Variants in FGL1 observed in about 807,000 individuals in gnomAD.
FGL1 encodes fibrinogen like 1.
In FGL1, 59 loss-of-function variants were observed where a neutral mutation model predicts 43.7. That is an observed-to-expected ratio of 1.35 (90% confidence interval 1.10 to 1.68). The LOEUF (loss-of-function observed/expected upper bound fraction) is 1.68, where lower values mean the gene tolerates loss of function less well. FGL1 is among the 40% of genes most tolerant of loss of function. The pLI is 0.00. For missense variants in FGL1, 596 were observed against 373.0 expected (o/e 1.60, Z -4.92); for synonymous variants, 192 against 126.5 (o/e 1.52, Z -3.48).
At chr8:17,877,771 A>C (rs186668397) in intron 3 of FGL1, among the ~76,000 whole-genome samples, 6 of 152,200 alleles carry the variant, frequency 3.9e-5, no homozygotes, top group African/African-American at 1.4e-4. Context: ...TGTTACAAAC[A>C]ATCCAATTTT....
Position 17,881,012 on chromosome 8 carries a change from TA to T in FGL1, c.244+986del, listed in dbSNP as rs1452811411. Among the ~76,000 whole-genome samples the T allele has an allele frequency of 3.3e-5, 5 of 152,302 alleles. No individual in the cohort carries two copies. The South Asian group carries it at 8.3e-4, about 25-fold the overall frequency. The stretch of plus-strand genomic sequence containing the variant: ...TTTTCTGCTCCTTTATTTTTTACCT[TA>T]TTTGCCACCCTAATGCACATTAGGA... On this transcript the variant is annotated intron_variant, in intron 3 of 7. Transcript: ENST00000427924.
At chr8:17,865,837 G>A (rs1054127935) in intron 7 of FGL1, among the ~76,000 whole-genome samples, 5 of 152,106 alleles carry the variant, frequency 3.3e-5, no homozygotes, top group Admixed American at 2.0e-4. Context: ...AATCAAAAAA[G>A]CATATAATCT....
intron 3 of FGL1, among the ~76,000 whole-genome samples, chr8:17,877,186 TAGGTAGAA>T (rs1219555302): frequency 7.2e-5 from 11 of 152,092 alleles, no homozygotes; most frequent in African/African-American, 2.7e-4. Flanking sequence ...CCCTGGAGAA[TAGGTAGAA>T]GAAAGGCAAG....
chr8:17,889,629 T>C (rs1169622720), intron 1 of FGL1, among the ~76,000 whole-genome samples: 1 of 152,140 alleles, frequency 6.6e-6, no homozygotes, highest in African/African-American at 2.4e-5. Flanking sequence ...ACAGTGAAAA[T>C]AAGAAAACAA....
Position 17,864,640 on chromosome 8 carries a change from A to G in FGL1, c.891T>C (p.Ser297=). ...CATTTGGCCTAATTTTCATAACCAC[A>G]GATTTCAGAGAATACCACCACCCAT... The part of the protein sequence containing the change: ...TWHGWWYSLK[S]VVMKIRPNDF... Residue 297 remains serine (S), a synonymous_variant, in exon 8 of 8, where the codon TCT becomes TCC. Coordinates refer to ENST00000427924, the MANE Select transcript of FGL1 (RefSeq NM_004467.4). 6.2e-7 allele frequency: 1 copy of G among 1,612,774 alleles called. No individual in the cohort carries two copies. Among genetic ancestry groups the G allele is most frequent in the Non-Finnish European group, 8.5e-7 (1 of 1,179,724 alleles).
At chr8:17,880,814 G>C (rs915947930) in intron 3 of FGL1, among the ~76,000 whole-genome samples, 5 of 152,166 alleles carry the variant, frequency 3.3e-5, no homozygotes, top group East Asian at 3.8e-4. Flanking sequence ...CAAGTGAACA[G>C]TTTTCCATAG....
At chr8:17,887,060 G>C (rs79941820) in intron 1 of FGL1, among the ~76,000 whole-genome samples, 3,729 of 152,234 alleles carry the variant, frequency 0.024, 66 homozygotes, top group South Asian at 0.042. Context: ...AGATGCTCCA[G>C]GTGACATGAC....
In FGL1 at chr8:17,864,508, G is replaced by T; in HGVS notation, c.*84C>A. On this transcript the variant is annotated 3_prime_UTR_variant, in exon 8 of 8. Transcript: ENST00000427924. ...ACTACTCACAACAGTTATCATGATTGCGCATGGATATGTTCAGAATGAGTA... is the reference window on the plus strand; with the variant it reads ...ACTACTCACAACAGTTATCATGATTTCGCATGGATATGTTCAGAATGAGTA... The T allele has an allele frequency of 7.2e-7, 1 of 1,395,770 alleles. No homozygotes were observed. Among genetic ancestry groups the T allele is most frequent in the Non-Finnish European group, 9.7e-7 (1 of 1,032,820 alleles). The allele number at this position is 1,395,770 out of a possible 1,614,324, so 86.5% of individuals were successfully genotyped here.
intron 5 of FGL1, among the ~76,000 whole-genome samples, chr8:17,872,933 C>G (rs753559459): frequency 6.6e-6 from 1 of 151,938 alleles, no homozygotes; most frequent in Non-Finnish European, 1.5e-5. Flanking sequence ...AATGGGCAAA[C>G]GGATAGATAC....
At chr8:17,885,453 G>A (rs1585147175) in intron 2 of FGL1, 39 bp downstream of exon 2, 3 of 1,471,078 alleles carry the variant, frequency 2.0e-6, no homozygotes, top group East Asian at 2.3e-5. Context: ...ATAAAAGCAG[G>A]CATTATAAAT....
At chr8:17,892,968 G>A (rs1329940522) in intron 1 of FGL1, among the ~76,000 whole-genome samples, 4 of 152,198 alleles carry the variant, frequency 2.6e-5, no homozygotes, top group Non-Finnish European at 4.4e-5. Context: ...GAGAGGCTGA[G>A]GCAGGCAGAT....
At chr8:17,885,779 CA>C (rs575563596) in intron 1 of FGL1, 127 of 504,830 alleles carry the variant, frequency 2.5e-4, no homozygotes, top group African/African-American at 2.1e-3. Context: ...TGTTTCATCA[CA>C]AAAACAGAGG....
chr8:17,883,145 T>C (rs1474245516), intron 2 of FGL1, among the ~76,000 whole-genome samples: 1 of 98,138 alleles, frequency 1.0e-5, no homozygotes, highest in South Asian at 3.4e-4. Flanking sequence ...TAATATATAA[T>C]ATATATCATA....
In FGL1 at chr8:17,874,527, T is replaced by C. The variant is rs2053415903; in HGVS notation, c.245-6A>G. The C allele has an allele frequency of 1.2e-6, 2 of 1,601,696 alleles. No individual in the cohort carries two copies. Among genetic ancestry groups the C allele is most frequent in the South Asian group, 2.2e-5 (2 of 89,276 alleles). On this transcript the variant is annotated splice_region_variant and splice_polypyrimidine_tract_variant and intron_variant, in intron 3 of 7. Coordinates refer to ENST00000427924, the MANE Select transcript of FGL1 (RefSeq NM_004467.4). Reference sequence around the variant, plus strand: ...ATTGAAAATCTCTGAACAATCTGTTTTTAAAACAAGGTAATGTAACATTCA... The same window carrying C: ...ATTGAAAATCTCTGAACAATCTGTTCTTAAAACAAGGTAATGTAACATTCA...
chr8:17,879,962 G>C (rs2053510315), intron 3 of FGL1, among the ~76,000 whole-genome samples: 2 of 152,176 alleles, frequency 1.3e-5, no homozygotes, highest in South Asian at 4.1e-4. Context: ...TTGGAGTAAT[G>C]ATGATCCACT....
intron 2 of FGL1, 102 bp downstream of exon 2, chr8:17,885,389 GT>G: frequency 1.0e-6 from 1 of 982,796 alleles, no homozygotes; most frequent in Non-Finnish European, 1.5e-6. Flanking sequence ...ACATAGTTAA[GT>G]TTTTTCAATG....
At chr8:17,885,604 C>G (rs995355946) in intron 1 of FGL1, 33 bp from the exon 2 acceptor site, 1 of 1,589,424 alleles carries the variant, frequency 6.3e-7, no homozygotes, top group East Asian at 2.2e-5. Flanking sequence ...ATAAATGTAT[C>G]AACCTTGAAT....
chr8:17,890,205 T>C (rs1377495949), intron 1 of FGL1, among the ~76,000 whole-genome samples: 4 of 152,296 alleles, frequency 2.6e-5, no homozygotes, highest in South Asian at 4.1e-4. Context: ...TCTCACCACC[T>C]CTATTGCTAA....
chr8:17,883,460 T>C (rs1172384222), intron 2 of FGL1, among the ~76,000 whole-genome samples: 1 of 125,864 alleles, frequency 7.9e-6, no homozygotes, highest in Non-Finnish European at 1.5e-5. Flanking sequence ...ATAGATATTA[T>C]ATAATATATA....
Sources: allele counts gnomAD v4.1 joint callset (sites outside exome capture counted in the v4.1 genomes callset), GRCh38; gene constraint gnomAD v4.1.1; transcripts MANE v1.5; gene names NCBI Gene and HGNC (gene_info 2026-07-23, HGNC 2026-07-21).